Variants in VPS13C observed in about 807,000 individuals in gnomAD.
VPS13C encodes the protein intermembrane lipid transfer protein VPS13C.
Under a neutral mutation model 456.8 loss-of-function variants are expected in VPS13C, and 358 were observed. That is an observed-to-expected ratio of 0.78 (90% confidence interval 0.72 to 0.86). VPS13C has a LOEUF of 0.86. Among genes scored for constraint, VPS13C ranks in the 40% least tolerant of loss-of-function variants. The pLI is 0.00. For missense variants in VPS13C, 4,818 were observed against 4,385.4 expected (o/e 1.10, Z -2.79); for synonymous variants, 1,578 against 1,486.7 (o/e 1.06, Z -1.41).
intron 44 of VPS13C, 72 bp from the exon 45 acceptor site, chr15:61,945,954 G>C: frequency 7.9e-7 from 1 of 1,267,702 alleles, no homozygotes; most frequent in Non-Finnish European, 1.0e-6. Context: ...TTATAAATAA[G>C]TTCTCGTATT....
intron 61 of VPS13C, 126 bp downstream of exon 61, chr15:61,915,507 T>C (rs2043442877): frequency 6.7e-6 from 7 of 1,043,958 alleles, no homozygotes; most frequent in Admixed American, 3.0e-5. Context: ...TAAGTCTCCT[T>C]GAACCTAATT....
At chr15:61,877,211 G>T (rs1895488625) in intron 74 of VPS13C, 157 bp from the exon 75 acceptor site, 6 of 480,874 alleles carry the variant, frequency 1.2e-5, no homozygotes, top group Non-Finnish European at 1.5e-5. Flanking sequence ...CTTAATAATG[G>T]TTACTAAATT....
intron 64 of VPS13C, 71 bp downstream of exon 64, chr15:61,910,106 C>G (rs2140143289): frequency 1.1e-6 from 1 of 926,324 alleles, no homozygotes; most frequent in East Asian, 7.0e-5. Flanking sequence ...TGCACATGTA[C>G]CCTAGAACTT....
chr15:61,945,957 C>G, intron 44 of VPS13C, 75 bp from the exon 45 acceptor site: 1 of 1,246,556 alleles, frequency 8.0e-7, no homozygotes, highest in Non-Finnish European at 1.1e-6. Context: ...TAAATAAGTT[C>G]TCGTATTACA....
chr15:61,865,644 G>A (rs1389799006), intron 81 of VPS13C: 2 of 396,884 alleles, frequency 5.0e-6, no homozygotes, highest in Non-Finnish European at 6.8e-6. Context: ...ATATTTGTAT[G>A]TGTGTATATA....
rs762011936 is a variant in VPS13C at position 61,966,158 on chromosome 15, A to G, written c.2992-16T>C. On this transcript the variant is annotated splice_polypyrimidine_tract_variant and intron_variant, in intron 29 of 84. Coordinates refer to ENST00000644861, the MANE Select transcript of VPS13C (RefSeq NM_020821.3). The stretch of plus-strand genomic sequence containing the variant: ...TCTTATCAGCCTGAAAAAAGAAGTA[A>G]AAGTTCTAAAGAAGGTACTAGGATC... The G allele has an allele frequency of 6.3e-7, 1 of 1,588,742 alleles. No individual in the cohort carries two copies. The highest frequency in any genetic ancestry group is 8.6e-7 in the Non-Finnish European group (1 of 1,164,628).
chr15:61,961,330 T>G lies in VPS13C; in HGVS notation c.3908+259A>C, dbSNP rs1240486581. 3.3e-5 allele frequency among the ~76,000 whole-genome samples: 5 copies of G among 150,358 alleles called. No individual in the cohort carries two copies. The East Asian group carries it at 9.8e-4, about 29-fold the overall frequency. Reference sequence around the variant, plus strand: ...TTGCTTGAACCCAGGAGGCAGAGGTTGCAGTGAGCCGAGATCACGCCACTG... The same window carrying G: ...TTGCTTGAACCCAGGAGGCAGAGGTGGCAGTGAGCCGAGATCACGCCACTG... On this transcript the variant is annotated intron_variant, in intron 35 of 84. Transcript: ENST00000644861.
chr15:62,032,468 T>C (rs568056811), intron 5 of VPS13C, among the ~76,000 whole-genome samples: 4 of 151,890 alleles, frequency 2.6e-5, no homozygotes, highest in South Asian at 4.1e-4. Flanking sequence ...TATTTTTAAA[T>C]AGTTTAGTAA....
intron 1 of VPS13C, among the ~76,000 whole-genome samples, chr15:62,048,593 A>T (rs2048508875): frequency 6.6e-6 from 1 of 152,148 alleles, no homozygotes; most frequent in Admixed American, 6.6e-5. Flanking sequence ...TAGCAGCATG[A>T]TTTATAATCC....
intron 53 of VPS13C, among the ~76,000 whole-genome samples, chr15:61,923,003 T>A (rs984925428): frequency 1.6e-4 from 25 of 152,188 alleles, no homozygotes; most frequent in African/African-American, 6.0e-4. Flanking sequence ...ACTCAGGTTA[T>A]CTGGAATTAA....
intron 46 of VPS13C, 22 bp downstream of exon 46, chr15:61,941,741 C>T (rs969851785): frequency 1.9e-6 from 3 of 1,581,058 alleles, no homozygotes; most frequent in Non-Finnish European, 1.7e-6. Context: ...AAGCAATACA[C>T]AATTAGATTA....
At chr15:62,009,251 G>A (rs538536332) in intron 13 of VPS13C, among the ~76,000 whole-genome samples, 1 of 151,966 alleles carries the variant, frequency 6.6e-6, no homozygotes, top group Middle Eastern at 3.4e-3. Flanking sequence ...GCAACATAAA[G>A]CTATTTAAGC....
chr15:61,920,118 T>A lies in VPS13C; in HGVS notation c.7426A>T (p.Asn2476Tyr). ...YASMVPSSQG[N>Y]LSILSRQESS... ...TCTTGACGGCTCAATATAGATAGGT[T>A]CCCTTGACTTGAAGGTACCATGCTG... The change falls in exon 57 of 85, where the codon AAC becomes TAC. Residue 2476 changes from asparagine to tyrosine, a missense_variant. Coordinates refer to ENST00000644861, the MANE Select transcript of VPS13C (RefSeq NM_020821.3). 1 of 1,613,340 alleles carries A rather than the reference T, an allele frequency of 6.2e-7. No homozygotes were observed. The highest frequency in any genetic ancestry group is 8.5e-7 in the Non-Finnish European group (1 of 1,179,500).
intron 22 of VPS13C, 102 bp from the exon 23 acceptor site, chr15:61,978,851 C>CAGT: frequency 8.6e-7 from 1 of 1,168,980 alleles, no homozygotes; most frequent in Non-Finnish European, 1.2e-6. Context: ...TTAGTTAAAA[C>CAGT]CTAACAAATT....
intron 13 of VPS13C, among the ~76,000 whole-genome samples, chr15:62,009,536 A>G (rs1162441042): frequency 6.6e-6 from 1 of 152,180 alleles, no homozygotes; most frequent in Admixed American, 6.5e-5. Context: ...TACATTTATT[A>G]TATGTTGATA....
At chr15:61,889,235 A>G (rs1896494865) in intron 67 of VPS13C, among the ~76,000 whole-genome samples, 1 of 152,142 alleles carries the variant, frequency 6.6e-6, no homozygotes, top group Non-Finnish European at 1.5e-5. Flanking sequence ...CTGGACCTAT[A>G]TAACTAAAAA....
intron 28 of VPS13C, 143 bp from the exon 29 acceptor site, chr15:61,967,590 C>G: frequency 3.2e-6 from 2 of 623,074 alleles, no homozygotes; most frequent in Non-Finnish European, 2.7e-6. Flanking sequence ...ATACAAAGGC[C>G]ATCACTGTTG....
chr15:62,007,400 T>G lies in VPS13C; in HGVS notation c.1198A>C (p.Lys400Gln). The G allele has an allele frequency of 6.2e-7, 1 of 1,613,238 alleles. No homozygotes were observed. Among genetic ancestry groups the G allele is most frequent in the Non-Finnish European group, 8.5e-7 (1 of 1,179,608 alleles). Reference protein sequence around the residue: ...TQMWSWSNIKKHRQLLKSYKI... With the variant: ...TQMWSWSNIKQHRQLLKSYKI... ...TAACTCTTGAGTAACTGCCTGTGCT[T>G]TTTTATGTTACTCCATGACCACATC... The change falls in exon 15 of 85, where the codon AAG (lysine) becomes CAG (glutamine). Residue 400 changes from lysine (K) to glutamine (Q), a missense_variant. Transcript: ENST00000644861.
intron 47 of VPS13C, among the ~76,000 whole-genome samples, chr15:61,940,010 G>GATGTAT (rs2044364709): frequency 7.0e-6 from 1 of 143,882 alleles, no homozygotes. Context: ...AAAAAAAAAA[G>GATGTAT]TTGTATACTT....
Sources: gnomAD v4.1 joint callset for allele counts (sites outside exome capture counted in the v4.1 genomes callset) on GRCh38, gnomAD v4.1.1 for gene constraint, MANE v1.5 for transcripts, NCBI Gene and HGNC (gene_info 2026-07-23, HGNC 2026-07-21) for gene names.